The following ADAMTS19 variants were observed in gnomAD, a reference collection of about 807,000 sequenced individuals.
ADAMTS19 encodes the protein ADAM metallopeptidase with thrombospondin type 1 motif 19.
Under a neutral mutation model 153.3 loss-of-function variants are expected in ADAMTS19, and 93 were observed. That is an observed-to-expected ratio of 0.61 (90% CI 0.51 to 0.72). The LOEUF is 0.72. Among genes scored for constraint, ADAMTS19 ranks in the 30% least tolerant of loss-of-function variants. ADAMTS19 has a pLI of 0.00. For missense variants in ADAMTS19, 1,482 were observed against 1,552.1 expected, an observed-to-expected ratio of 0.95 and a Z score of 0.76; for synonymous variants, 600 against 556.6, an observed-to-expected ratio of 1.08 and a Z score of -1.10.
intron 2 of ADAMTS19, among the ~76,000 whole-genome samples, chr5:129,488,493 A>G (rs1223641528): frequency 6.6e-6 from 1 of 152,092 alleles, no homozygotes; most frequent in Non-Finnish European, 1.5e-5. Flanking sequence ...TAATCTAAGT[A>G]TAGAATATAT....
chr5:129,618,392 T>C (rs543200412), intron 8 of ADAMTS19, among the ~76,000 whole-genome samples: 6 of 152,130 alleles, frequency 3.9e-5, no homozygotes, highest in African/African-American at 1.4e-4. Context: ...TATTCAATAA[T>C]GTGTTTTAGT....
At chr5:129,709,830 A>G (rs1756355072) in intron 21 of ADAMTS19, among the ~76,000 whole-genome samples, 1 of 152,150 alleles carries the variant, frequency 6.6e-6, no homozygotes, top group South Asian at 2.1e-4. Context: ...CATTTCACAT[A>G]TCCCTAAAGA....
intron 7 of ADAMTS19, among the ~76,000 whole-genome samples, chr5:129,589,096 AGAGTT>A (rs1749966452): frequency 6.6e-6 from 1 of 151,994 alleles, no homozygotes; most frequent in Non-Finnish European, 1.5e-5. Flanking sequence ...GAACAATAGT[AGAGTT>A]TAGATTTGTT....
intron 9 of ADAMTS19, among the ~76,000 whole-genome samples, chr5:129,621,010 T>C (rs532661600): frequency 1.3e-5 from 2 of 152,284 alleles, no homozygotes; most frequent in South Asian, 4.1e-4. Flanking sequence ...ATTGTTATCA[T>C]GATTTTAAAA....
chr5:129,498,356 A>C (rs1581009395), intron 2 of ADAMTS19, among the ~76,000 whole-genome samples: 3 of 152,068 alleles, frequency 2.0e-5, no homozygotes, highest in Non-Finnish European at 4.4e-5. Context: ...CTTCTGCCCT[A>C]CAGGAGCAAT....
At chr5:129,577,818 G>A (rs1467744431) in intron 7 of ADAMTS19, among the ~76,000 whole-genome samples, 1 of 151,860 alleles carries the variant, frequency 6.6e-6, no homozygotes, top group African/African-American at 2.4e-5. Context: ...GAATTGTAGA[G>A]ATGTTTCCTT....
intron 7 of ADAMTS19, among the ~76,000 whole-genome samples, chr5:129,560,181 T>C (rs776543858): frequency 6.6e-6 from 1 of 152,248 alleles, no homozygotes; most frequent in African/African-American, 2.4e-5. Flanking sequence ...TTGGCATCCA[T>C]TGTTGCTCTT....
intron 7 of ADAMTS19, among the ~76,000 whole-genome samples, chr5:129,596,096 C>T (rs1411191372): frequency 1.5e-4 from 23 of 152,018 alleles, no homozygotes; most frequent in Admixed American, 1.5e-3. Flanking sequence ...TAGAATTTCA[C>T]AATTGTATTA....
At chr5:129,650,199 C>T (rs925849117) in intron 13 of ADAMTS19, among the ~76,000 whole-genome samples, 11 of 152,066 alleles carry the variant, frequency 7.2e-5, no homozygotes, top group Admixed American at 7.2e-4. Flanking sequence ...AATACTTGCC[C>T]ATGGTGAGTG....
intron 21 of ADAMTS19, among the ~76,000 whole-genome samples, chr5:129,731,646 C>T (rs1398323216): frequency 4.6e-5 from 7 of 151,556 alleles, no homozygotes; most frequent in Non-Finnish European, 1.0e-4. Flanking sequence ...GCTTCTTGTG[C>T]TAAGAAAAAT....
At chr5:129,716,939 T>G (rs927825542) in intron 21 of ADAMTS19, among the ~76,000 whole-genome samples, 3 of 152,220 alleles carry the variant, frequency 2.0e-5, no homozygotes, top group African/African-American at 7.2e-5. Context: ...TTTCATTAAC[T>G]CAAGTGTTTC....
At chr5:129,709,991 C>T (rs1756364593) in intron 21 of ADAMTS19, among the ~76,000 whole-genome samples, 1 of 150,786 alleles carries the variant, frequency 6.6e-6, no homozygotes, top group Non-Finnish European at 1.5e-5. Context: ...ATTTTAAGTT[C>T]CGGGATACAT....
At chr5:129,663,806 C>G (rs1482928706) in intron 15 of ADAMTS19, among the ~76,000 whole-genome samples, 1 of 152,152 alleles carries the variant, frequency 6.6e-6, no homozygotes, top group African/African-American at 2.4e-5. Context: ...TAAATTCATT[C>G]TCCTGGGCAT....
chr5:129,536,469 G>C (rs537427116), intron 6 of ADAMTS19, among the ~76,000 whole-genome samples: 2 of 152,184 alleles, frequency 1.3e-5, no homozygotes, highest in Non-Finnish European at 2.9e-5. Context: ...TGGTGGGACT[G>C]TAAACTAGTT....
intron 8 of ADAMTS19, among the ~76,000 whole-genome samples, chr5:129,610,459 T>G (rs6898724): frequency 0.67 from 101,639 of 151,732 alleles, 35,998 homozygotes; most frequent in Non-Finnish European, 0.8. Context: ...CCCACAATAG[T>G]CCCCAGTGTG....
intron 7 of ADAMTS19, among the ~76,000 whole-genome samples, chr5:129,553,934 T>C (rs554780318): frequency 2.0e-5 from 3 of 152,236 alleles, no homozygotes; most frequent in South Asian, 4.2e-4. Flanking sequence ...CAACCACTTG[T>C]GGTTCAAAAA....
At chr5:129,613,627 T>C (rs1751348294) in intron 8 of ADAMTS19, among the ~76,000 whole-genome samples, 1 of 152,102 alleles carries the variant, frequency 6.6e-6, no homozygotes, top group Non-Finnish European at 1.5e-5. Context: ...TTAAAAGAAT[T>C]AGTGAAGCAA....
chr5:129,461,124 C>G lies in ADAMTS19; in HGVS notation c.114C>G (p.Arg38=), dbSNP rs1168543854. 1.4e-6 allele frequency: 2 copies of G among 1,419,884 alleles called. No individual in the cohort carries two copies. The highest frequency in any genetic ancestry group is 3.0e-5 in the East Asian group (1 of 32,890). 88.0% of individuals were successfully genotyped at this position (1,419,884 alleles called of 1,614,324 possible). A position where few individuals can be genotyped will look rare whatever the true frequency, so the allele number is the denominator to read the frequency against. ...IVSELQFAPD[R]EEWEVVFPAL... ...CAGAGCTGCAGTTCGCCCCCGACCG[C>G]GAGGAGTGGGAAGTCGTGTTTCCTG... Residue 38 remains arginine (R), a synonymous_variant, in exon 2 of 23, where the codon CGC becomes CGG. Coordinates refer to ENST00000274487, the MANE Select transcript of ADAMTS19 (RefSeq NM_133638.6). This position sits in a 1 kb window ranked among gnomAD's most constrained non-coding sequence, Gnocchi z 4.6.
intron 8 of ADAMTS19, among the ~76,000 whole-genome samples, chr5:129,606,759 C>A (rs914312460): frequency 4.6e-5 from 7 of 152,068 alleles, no homozygotes; most frequent in Admixed American, 2.6e-4. Flanking sequence ...AAACATCATG[C>A]CTTTATTCAT....
Sources: gnomAD v4.1 joint callset for allele counts (sites outside exome capture counted in the v4.1 genomes callset) on GRCh38, gnomAD v4.1.1 for gene constraint, Gnocchi (gnomAD v3.1) non-coding constraint, MANE v1.5 for transcripts, NCBI Gene and HGNC (gene_info 2026-07-23, HGNC 2026-07-21) for gene names.